ZPBP: variants seen among roughly 807,000 people sequenced by gnomAD.
ZPBP encodes the protein zona pellucida binding protein.
Under a neutral mutation model 44.8 loss-of-function variants are expected in ZPBP, and 26 were observed. The observed-to-expected ratio is 0.58, with a 90% CI of 0.43 to 0.81. ZPBP has a LOEUF of 0.81. ZPBP is among the 30% of genes least tolerant of loss of function. The probability of loss-of-function intolerance (pLI) is 0.00; values close to 1 mark genes in which losing one functional copy is unlikely to be tolerated. For missense variants in ZPBP, 409 were observed against 434.0 expected, an observed-to-expected ratio of 0.94 and a Z score of 0.51; for synonymous variants, 174 against 153.2, an observed-to-expected ratio of 1.14 and a Z score of -1.00.
chr7:50,037,803 C>T (rs1276711583), intron 4 of ZPBP, among the ~76,000 whole-genome samples: 1 of 152,166 alleles, frequency 6.6e-6, no homozygotes, highest in East Asian at 1.9e-4. Flanking sequence ...GAGAGAGACA[C>T]TCCATTCCAG....
At chr7:50,010,412 C>T (rs994516590) in intron 6 of ZPBP, among the ~76,000 whole-genome samples, 1 of 151,158 alleles carries the variant, frequency 6.6e-6, no homozygotes, top group Non-Finnish European at 1.5e-5. Context: ...ATTGGACATC[C>T]ATAGGCAAAA....
chr7:49,942,313 C>A, intron 7 of ZPBP: 2 of 228,668 alleles, frequency 8.7e-6, no homozygotes, highest in South Asian at 1.4e-4. Context: ...TCTTTTTGTT[C>A]CCGCTTGTAT....
chr7:49,987,843 A>C (rs1489968300), intron 6 of ZPBP, among the ~76,000 whole-genome samples: 1 of 152,152 alleles, frequency 6.6e-6, no homozygotes, highest in Non-Finnish European at 1.5e-5. Context: ...ATTTTTTAAA[A>C]GGAAAATAAA....
At chr7:49,864,592 G>C (rs905363851) in intron 2 of ZPBP, among the ~76,000 whole-genome samples, 1 of 152,176 alleles carries the variant, frequency 6.6e-6, no homozygotes. Flanking sequence ...GCAGGTTGTT[G>C]TCAGCCTTAC....
intron 1 of ZPBP, among the ~76,000 whole-genome samples, chr7:49,925,725 G>T (rs908607029): frequency 4.6e-5 from 7 of 152,176 alleles, no homozygotes; most frequent in Admixed American, 4.6e-4. Context: ...CCAGTCTTTT[G>T]GTCTTTCCTT....
intron 5 of ZPBP, among the ~76,000 whole-genome samples, chr7:50,023,474 C>G (rs1580402): frequency 0.022 from 3,290 of 151,974 alleles, 137 homozygotes; most frequent in African/African-American, 0.075. Context: ...TCTAGTACTA[C>G]GATAAACAGT....
chr7:49,910,160 G>A (rs1793330316), intron 1 of ZPBP, among the ~76,000 whole-genome samples: 1 of 152,134 alleles, frequency 6.6e-6, no homozygotes, highest in South Asian at 2.1e-4. Context: ...AGGGAGAAGG[G>A]GGCACATGCA....
At chr7:49,963,855 G>C (rs902786834) in intron 7 of ZPBP, among the ~76,000 whole-genome samples, 13 of 151,266 alleles carry the variant, frequency 8.6e-5, no homozygotes, top group Non-Finnish European at 1.9e-4. Flanking sequence ...AGAAGAGGAA[G>C]GAATACTGCC....
At chr7:50,033,678 G>GTTTGTTTATTTGTTTATTTA in intron 4 of ZPBP, among the ~76,000 whole-genome samples, 1 of 148,824 alleles carries the variant, frequency 6.7e-6, no homozygotes, top group Non-Finnish European at 1.5e-5. Context: ...TCTTTCTACA[G>GTTTGTTTATTTGTTTATTTA]TTTATTTATT....
intron 2 of ZPBP, among the ~76,000 whole-genome samples, chr7:49,862,404 A>T (rs982256100): frequency 6.6e-6 from 1 of 152,190 alleles, no homozygotes; most frequent in Admixed American, 6.5e-5. Context: ...ACAGGATCAT[A>T]CTAACCGTGA....
intron 6 of ZPBP, among the ~76,000 whole-genome samples, chr7:50,002,287 G>A (rs1798133847): frequency 6.6e-6 from 1 of 152,064 alleles, no homozygotes; most frequent in Non-Finnish European, 1.5e-5. Context: ...ACTACCATGA[G>A]AACAGTATGG....
chr7:50,001,335 TCTCCTGGAGG>T (rs1377388405), intron 6 of ZPBP, among the ~76,000 whole-genome samples: 1 of 152,186 alleles, frequency 6.6e-6, no homozygotes, highest in African/African-American at 2.4e-5. Flanking sequence ...CCTAAAATTT[TCTCCTGGAGG>T]CTTTTTAATG....
intron 2 of ZPBP, among the ~76,000 whole-genome samples, chr7:49,871,948 CACACACACA>C (rs1791173048): frequency 2.6e-5 from 3 of 115,588 alleles, no homozygotes; most frequent in African/African-American, 3.8e-5. Context: ...CACACACACA[CACACACACA>C]CCGAGAAAGA....
At chr7:49,979,298 C>G (rs776679255) in intron 7 of ZPBP, among the ~76,000 whole-genome samples, 3 of 151,776 alleles carry the variant, frequency 2.0e-5, no homozygotes, top group Non-Finnish European at 4.4e-5. Context: ...GTATTTTTCC[C>G]TTAACAGTCT....
At chr7:49,986,462 C>T (rs1797286007) in intron 6 of ZPBP, among the ~76,000 whole-genome samples, 1 of 152,156 alleles carries the variant, frequency 6.6e-6, no homozygotes, top group Non-Finnish European at 1.5e-5. Context: ...GGCCAGCATT[C>T]CCTGCCACGT....
At chr7:49,939,522 T>G (rs2128752631) in intron 7 of ZPBP, among the ~76,000 whole-genome samples, 1 of 152,088 alleles carries the variant, frequency 6.6e-6, no homozygotes, top group South Asian at 2.1e-4. Flanking sequence ...AGCCAACTCT[T>G]TAAACAAAGA....
At chr7:49,966,687 G>A (rs1796075926) in intron 7 of ZPBP, among the ~76,000 whole-genome samples, 2 of 152,238 alleles carry the variant, frequency 1.3e-5, no homozygotes, top group South Asian at 2.1e-4. Context: ...TCCAACGAAA[G>A]CAATGCTAGA....
At chr7:49,951,523 T>C (rs1437966313) in intron 7 of ZPBP, among the ~76,000 whole-genome samples, 2 of 149,464 alleles carry the variant, frequency 1.3e-5, no homozygotes, top group African/African-American at 2.4e-5. Flanking sequence ...ATTTCACATA[T>C]ACTAGAATGG....
intron 1 of ZPBP, among the ~76,000 whole-genome samples, chr7:49,905,876 T>C (rs1793059794): frequency 6.6e-6 from 1 of 151,914 alleles, no homozygotes; most frequent in Non-Finnish European, 1.5e-5. Flanking sequence ...GCCATGAGAG[T>C]GACCTCTAGT....
Sources: allele counts gnomAD v4.1 joint callset (sites outside exome capture counted in the v4.1 genomes callset), GRCh38; gene constraint gnomAD v4.1.1; transcripts MANE v1.5; gene names NCBI Gene and HGNC (gene_info 2026-07-23, HGNC 2026-07-21).